Variants in NREP observed in about 807,000 individuals in gnomAD.
NREP encodes the protein neuronal regeneration related protein.
Under a neutral mutation model 8.6 loss-of-function variants are expected in NREP, and 5 were observed. The ratio of observed to expected loss-of-function variants is 0.58; its 90% CI spans 0.30 to 1.22. The LOEUF (loss-of-function observed/expected upper bound fraction) is 1.22. NREP is among the 50% of genes most tolerant of loss of function. The probability of loss-of-function intolerance (pLI) is 0.07; values close to 1 mark genes in which losing one functional copy is unlikely to be tolerated. For missense variants in NREP, 86 were observed against 82.5 expected (o/e 1.04, Z -0.17); for synonymous variants, 27 against 28.0 (o/e 0.96, Z 0.11).
intron 2 of NREP, among the ~76,000 whole-genome samples, chr5:111,910,386 A>G (rs551677246): frequency 6.6e-6 from 1 of 152,174 alleles, no homozygotes; most frequent in East Asian, 1.9e-4. Context: ...GGAACAGCAC[A>G]GAGGGTCAAT....
chr5:111,800,843 G>A (rs755159133), intron 2 of NREP, among the ~76,000 whole-genome samples: 37 of 152,248 alleles, frequency 2.4e-4, no homozygotes, highest in African/African-American at 7.7e-4. Context: ...AATACAACCC[G>A]TTACATGCAT....
intron 2 of NREP, among the ~76,000 whole-genome samples, chr5:111,828,744 C>G (rs1752690558): frequency 1.3e-5 from 2 of 152,236 alleles, no homozygotes; most frequent in South Asian, 4.1e-4. Flanking sequence ...AAAAAACTTA[C>G]TGCCTCAAAC....
chr5:111,741,826 C>CACACAG (rs58727765), intron 2 of NREP, among the ~76,000 whole-genome samples: 81,634 of 140,836 alleles, frequency 0.58, 24,234 homozygotes, highest in Non-Finnish European at 0.68. Flanking sequence ...CACACACATA[C>CACACAG]ACACACACAC....
At chr5:111,854,044 T>C (rs941181141) in intron 2 of NREP, among the ~76,000 whole-genome samples, 6 of 152,270 alleles carry the variant, frequency 3.9e-5, no homozygotes, top group South Asian at 2.1e-4. Context: ...ATCTCACACC[T>C]CTGGGGAGGC....
Position 111,763,750 on chromosome 5 carries a change from C to CTG in NREP, c.136-28245_136-28244dup, listed in dbSNP as rs1452443684. Among the ~76,000 whole-genome samples, 10 of 107,322 alleles carry CTG rather than the reference C, an allele frequency of 9.3e-5. No individual in the cohort carries two copies. The East Asian group carries it at 1.2e-3, about 13-fold the overall frequency. The allele number at this position is 107,322 out of a possible 152,430, so 70.4% of individuals were successfully genotyped here. On this transcript the variant is annotated intron_variant, in intron 2 of 3. Transcript: ENST00000395634. ...AAATTATTTTAAAATCCCAGTACGT[C>CTG]TGTATGTGTGTGTGTGTGTGTGTGT...
intron 2 of NREP, among the ~76,000 whole-genome samples, chr5:111,780,754 C>A (rs1267992953): frequency 6.6e-6 from 1 of 152,122 alleles, no homozygotes; most frequent in Non-Finnish European, 1.5e-5. Context: ...TCTTTTAAAT[C>A]CTCACTATTG....
rs577561729 is a variant in NREP at position 111,831,659 on chromosome 5, C to T, written c.136-96152G>A. ...TAGGTGGCTGTCCCCAGAAAGGAAT[C>T]ATCTTCTCTCAGCCTCTTCCTGAGT... is the stretch of plus-strand genomic sequence containing the variant. On this transcript the variant is annotated intron_variant, in intron 2 of 3. Transcript: ENST00000395634. Among the ~76,000 whole-genome samples the T allele has an allele frequency of 1.6e-3, 244 of 152,312 alleles. 1 individual carries two copies. Among genetic ancestry groups the T allele is most frequent in the African/African-American group, 5.6e-3 (234 of 41,564 alleles).
chr5:111,790,991 T>C (rs1581120365), intron 2 of NREP, among the ~76,000 whole-genome samples: 3 of 152,148 alleles, frequency 2.0e-5, no homozygotes, highest in Admixed American at 1.3e-4. Flanking sequence ...TTTTGGAATA[T>C]GTGCAGGGTG....
chr5:111,837,669 G>A (rs1233003315), intron 2 of NREP, among the ~76,000 whole-genome samples: 2 of 151,958 alleles, frequency 1.3e-5, no homozygotes, highest in Non-Finnish European at 1.5e-5. Flanking sequence ...TGCAAAGAGT[G>A]ACAAGATTGG....
intron 2 of NREP, among the ~76,000 whole-genome samples, chr5:111,775,555 C>A (rs1485882820): frequency 6.6e-6 from 1 of 152,088 alleles, no homozygotes; most frequent in African/African-American, 2.4e-5. Flanking sequence ...GTCTTCCTTT[C>A]AATTCTCGGG....
intron 2 of NREP, among the ~76,000 whole-genome samples, chr5:111,749,200 A>G (rs942076670): frequency 1.3e-5 from 2 of 152,102 alleles, no homozygotes; most frequent in Non-Finnish European, 2.9e-5. Context: ...AAAACTTTGG[A>G]AGTTCTAAAC....
At chr5:111,975,386 C>A in intron 1 of NREP, 1 of 1,549,492 alleles carries the variant, frequency 6.5e-7, no homozygotes. Flanking sequence ...GCTCTGCAGA[C>A]AAGACACATG....
chr5:111,868,741 G>A (rs1753721970), intron 2 of NREP, among the ~76,000 whole-genome samples: 1 of 152,102 alleles, frequency 6.6e-6, no homozygotes, highest in Non-Finnish European at 1.5e-5. Context: ...AACTGCCTCT[G>A]CAGATAGGTT....
At chr5:111,822,320 T>G (rs866589151) in intron 2 of NREP, among the ~76,000 whole-genome samples, 8 of 152,158 alleles carry the variant, frequency 5.3e-5, no homozygotes, top group African/African-American at 1.4e-4. Flanking sequence ...AACAGATAAC[T>G]AAAAGACTGG....
At chr5:111,930,096 G>A (rs1364838468) in intron 2 of NREP, among the ~76,000 whole-genome samples, 1 of 152,158 alleles carries the variant, frequency 6.6e-6, no homozygotes, top group African/African-American at 2.4e-5. Context: ...TGCTCTCAGG[G>A]TCTCAGGAAA....
chr5:111,788,023 G>C (rs1403503076), intron 2 of NREP, among the ~76,000 whole-genome samples: 1 of 152,190 alleles, frequency 6.6e-6, no homozygotes, highest in East Asian at 1.9e-4. Context: ...AGCCCAGGAG[G>C]GGGAGTCTGC....
chr5:111,820,256 T>C (rs182932946), intron 2 of NREP, among the ~76,000 whole-genome samples: 1 of 152,334 alleles, frequency 6.6e-6, no homozygotes, highest in East Asian at 1.9e-4. Flanking sequence ...TGAAAGTTGA[T>C]ACAAGAAGGC....
At chr5:111,829,922 T>C (rs756401198) in intron 2 of NREP, among the ~76,000 whole-genome samples, 2 of 152,194 alleles carry the variant, frequency 1.3e-5, no homozygotes, top group Non-Finnish European at 2.9e-5. Context: ...CTTACAGCCC[T>C]GGACTGGGTG....
intron 2 of NREP, among the ~76,000 whole-genome samples, chr5:111,916,540 G>T (rs145501387): frequency 2.2e-3 from 340 of 152,236 alleles, no homozygotes; most frequent in African/African-American, 7.0e-3. Context: ...GATTGTATCC[G>T]ACTGTTTAAA....
Sources: allele counts gnomAD v4.1 joint callset (sites outside exome capture counted in the v4.1 genomes callset), GRCh38; gene constraint gnomAD v4.1.1; transcripts MANE v1.5; gene names NCBI Gene and HGNC (gene_info 2026-07-23, HGNC 2026-07-21).